Variants in PTCHD4 observed in about 807,000 individuals in gnomAD.
PTCHD4 encodes the protein patched domain-containing protein 4.
PTCHD4 carries 33 observed loss-of-function variants against 58.1 expected under a neutral mutation model. The ratio of observed to expected loss-of-function variants is 0.57; its 90% confidence interval spans 0.43 to 0.76. The LOEUF is 0.76. PTCHD4 is among the 30% of genes least tolerant of loss of function. The probability of loss-of-function intolerance (pLI) is 0.00; values close to 1 mark genes in which losing one functional copy is unlikely to be tolerated. For synonymous variants in PTCHD4, 478 were observed against 409.6 expected (o/e 1.17, Z -2.02); for missense variants, 1,058 against 1,027.1 (o/e 1.03, Z -0.41).
chr6:47,897,949 T>C (rs1186267219), intron 4 of PTCHD4, among the ~76,000 whole-genome samples: 2 of 139,770 alleles, frequency 1.4e-5, no homozygotes, highest in Admixed American at 7.2e-5. Context: ...TCTTTTTTTT[T>C]TTTTTTTTTT....
chr6:47,947,047 C>T (rs1321713822), intron 4 of PTCHD4, among the ~76,000 whole-genome samples: 1 of 152,036 alleles, frequency 6.6e-6, no homozygotes, highest in Non-Finnish European at 1.5e-5. Context: ...GTTGTCTAGG[C>T]TGGTCTGAGA....
intron 4 of PTCHD4, among the ~76,000 whole-genome samples, chr6:47,893,093 C>G (rs1315927696): frequency 6.6e-6 from 1 of 152,182 alleles, no homozygotes; most frequent in African/African-American, 2.4e-5. Flanking sequence ...TCACTGCAAC[C>G]TCTGCCTCCC....
intron 4 of PTCHD4, among the ~76,000 whole-genome samples, chr6:47,916,309 T>C (rs533311584): frequency 5.8e-4 from 88 of 152,174 alleles, no homozygotes; most frequent in African/African-American, 2.0e-3. Flanking sequence ...AGGTGGAAAC[T>C]GGCCAAATGA....
At chr6:48,020,270 AAG>A (rs1763019829) in intron 3 of PTCHD4, among the ~76,000 whole-genome samples, 1 of 152,146 alleles carries the variant, frequency 6.6e-6, no homozygotes, top group African/African-American at 2.4e-5. Context: ...AACATTAAAA[AAG>A]AGGTTTTTCA....
In PTCHD4 at chr6:47,878,752, C is replaced by G; in HGVS notation, c.2083G>C (p.Gly695Arg). Residue 695 changes from glycine to arginine, a missense_variant, in exon 5 of 5, where the codon GGC becomes CGC. Gly to Arg is a moderately radical substitution (Grantham distance 125). Coordinates refer to ENST00000339488, the MANE Select transcript of PTCHD4 (RefSeq NM_001384253.1). ...LILSVTSIELGVLGLMTLWNV... is the reference protein window; with the variant it reads ...LILSVTSIELRVLGLMTLWNV... ...CATAATGTCATTAAGCCCAGAACGCCCAGCTCAATTGAGGTGACGCTAAGA... is the reference window on the plus strand; with the variant it reads ...CATAATGTCATTAAGCCCAGAACGCGCAGCTCAATTGAGGTGACGCTAAGA... 1 of 1,613,534 alleles carries G rather than the reference C, an allele frequency of 6.2e-7. No homozygotes were observed. The highest frequency in any genetic ancestry group is 2.2e-5 in the East Asian group (1 of 44,836).
chr6:48,006,733 G>C (rs964898180), intron 4 of PTCHD4, among the ~76,000 whole-genome samples: 8 of 152,102 alleles, frequency 5.3e-5, no homozygotes, highest in African/African-American at 1.4e-4. Context: ...ATCCAGGAAG[G>C]CTCAATTTCC....
At chr6:47,935,039 T>C (rs142681934) in intron 4 of PTCHD4, among the ~76,000 whole-genome samples, 1 of 152,336 alleles carries the variant, frequency 6.6e-6, no homozygotes, top group African/African-American at 2.4e-5. Flanking sequence ...GTTTTTATTT[T>C]TGGTATTGTT....
chr6:48,092,601 G>A (rs1327847370), intron 1 of PTCHD4, among the ~76,000 whole-genome samples: 2 of 152,136 alleles, frequency 1.3e-5, no homozygotes, highest in Non-Finnish European at 2.9e-5. Context: ...TTTATAAATG[G>A]TCTTGACATC....
intron 1 of PTCHD4, among the ~76,000 whole-genome samples, chr6:48,074,239 AATAATAAGGAC>A (rs1295985450): frequency 6.6e-6 from 1 of 152,166 alleles, no homozygotes; most frequent in Non-Finnish European, 1.5e-5. Context: ...AACTGGCTTG[AATAATAAGGAC>A]ATTTCTTATC....
At chr6:48,090,691 T>C (rs1433414769) in intron 1 of PTCHD4, among the ~76,000 whole-genome samples, 3 of 152,196 alleles carry the variant, frequency 2.0e-5, no homozygotes, top group Non-Finnish European at 4.4e-5. Context: ...CATTCAATAA[T>C]GCAGACAATA....
chr6:47,938,015 T>C (rs1161989772), intron 4 of PTCHD4, among the ~76,000 whole-genome samples: 1 of 152,078 alleles, frequency 6.6e-6, no homozygotes, highest in Non-Finnish European at 1.5e-5. Context: ...TAGCAGGGCA[T>C]GGTGGCACGC....
chr6:48,101,884 A>T (rs368789226), intron 1 of PTCHD4, among the ~76,000 whole-genome samples: 1 of 152,096 alleles, frequency 6.6e-6, no homozygotes, highest in Non-Finnish European at 1.5e-5. Context: ...GTGCGGTTGG[A>T]TGAAGGGATT....
At chr6:48,001,504 G>A (rs899392623) in intron 4 of PTCHD4, among the ~76,000 whole-genome samples, 3 of 152,130 alleles carry the variant, frequency 2.0e-5, no homozygotes, top group African/African-American at 7.2e-5. Context: ...AACAAGAACT[G>A]GGGAAAGGAT....
At chr6:48,005,517 A>C (rs1236958766) in intron 4 of PTCHD4, among the ~76,000 whole-genome samples, 1 of 152,200 alleles carries the variant, frequency 6.6e-6, no homozygotes, top group Non-Finnish European at 1.5e-5. Context: ...CCACCAGCAG[A>C]TATATATGTG....
chr6:48,071,080 T>G (rs1367753492), intron 1 of PTCHD4, among the ~76,000 whole-genome samples: 1 of 152,256 alleles, frequency 6.6e-6, no homozygotes, highest in Non-Finnish European at 1.5e-5. Flanking sequence ...CAGAGTTCTC[T>G]GTAAAGCTGA....
At chr6:48,098,318 T>TTTCTTCTTCTTCTTCTTC (rs374977976) in intron 1 of PTCHD4, among the ~76,000 whole-genome samples, 5 of 142,606 alleles carry the variant, frequency 3.5e-5, no homozygotes, top group African/African-American at 1.0e-4. Flanking sequence ...TTTCTTTTCT[T>TTTCTTCTTCTTCTTCTTC]TTCTTCTTCT....
intron 4 of PTCHD4, among the ~76,000 whole-genome samples, chr6:47,913,422 A>G (rs1020361391): frequency 3.9e-5 from 6 of 152,076 alleles, no homozygotes; most frequent in Admixed American, 3.3e-4. Flanking sequence ...TCATTTCCAG[A>G]AACTGAAGCA....
chr6:48,093,111 A>G lies in PTCHD4; in HGVS notation c.-970+17938T>C, dbSNP rs147914086. Among the ~76,000 whole-genome samples, 336 of 152,334 alleles carry G rather than the reference A, an allele frequency of 2.2e-3. 1 individual carries two copies. Among genetic ancestry groups the G allele is most frequent in the Non-Finnish European group, 3.8e-3 (257 of 68,036 alleles). On this transcript the variant is annotated intron_variant, in intron 1 of 4. Transcript: ENST00000339488. ...TAAAAATAGTTTTTGGCACTAGTATAAAACCTTTCATCTTTGAGTCTTAAA... is the reference window on the plus strand; with the variant it reads ...TAAAAATAGTTTTTGGCACTAGTATGAAACCTTTCATCTTTGAGTCTTAAA...
At chr6:47,890,745 G>T in intron 4 of PTCHD4, 1 of 251,426 alleles carries the variant, frequency 4.0e-6, no homozygotes, top group Non-Finnish European at 6.3e-6. Context: ...TCTCTTTTCA[G>T]CTTTCCTTGC....
Sources: allele counts gnomAD v4.1 joint callset (sites outside exome capture counted in the v4.1 genomes callset), GRCh38; gene constraint gnomAD v4.1.1; transcripts MANE v1.5; gene names NCBI Gene and HGNC (gene_info 2026-07-23, HGNC 2026-07-21).